The following OTUD6B variants were observed in gnomAD, a reference collection of about 807,000 sequenced individuals.
OTUD6B encodes the protein deubiquitinase OTUD6B.
A neutral mutation model predicts 36.9 loss-of-function variants in OTUD6B; 41 were observed. The observed-to-expected ratio is 1.11, with a 90% CI of 0.87 to 1.44. The LOEUF (loss-of-function observed/expected upper bound fraction) is 1.44, where lower values mean the gene tolerates loss of function less well. Ranked by LOEUF, OTUD6B falls within the 40% of genes most tolerant of loss-of-function variation. The probability of loss-of-function intolerance (pLI) is 0.00; values close to 1 mark genes in which losing one functional copy is unlikely to be tolerated. For missense variants in OTUD6B, 356 were observed against 344.8 expected (o/e 1.03, Z -0.26); for synonymous variants, 114 against 114.2 (o/e 1.00, Z 0.01).
chr8:91,079,547 A>G (rs1812861198), intron 4 of OTUD6B, among the ~76,000 whole-genome samples: 2 of 152,158 alleles, frequency 1.3e-5, no homozygotes, highest in African/African-American at 4.8e-5. Flanking sequence ...TCTGTAGTGA[A>G]TTAATTTCCC....
At chr8:91,078,757 AC>A in intron 4 of OTUD6B, 89 bp downstream of exon 4, 2 of 777,200 alleles carry the variant, frequency 2.6e-6, no homozygotes, top group Non-Finnish European at 3.9e-6. Context: ...CGTAAGAAGA[AC>A]CCAGATGATC....
At chr8:91,082,766 T>C (rs1812931867) in intron 5 of OTUD6B, among the ~76,000 whole-genome samples, 1 of 147,914 alleles carries the variant, frequency 6.8e-6, no homozygotes, top group South Asian at 2.1e-4. Context: ...TTTTTTTTTT[T>C]TTTGAAACAG....
At chr8:91,070,604 C>G (rs1033921877) in intron 1 of OTUD6B, 138 bp downstream of exon 1, 4 of 768,852 alleles carry the variant, frequency 5.2e-6, no homozygotes, top group Admixed American at 5.5e-5. Context: ...GGCCTCTTCT[C>G]TCTTCACCTA....
rs1238757853 is a variant in OTUD6B at position 91,078,357 on chromosome 8, A to G, written c.317A>G (p.Glu106Gly). Reference sequence around the variant, plus strand: ...TTTCATGCATTCTGCTTTTCTTAGGAAAAGAAAGCTGCATTGGAAAAGGAG... The same window carrying G: ...TTTCATGCATTCTGCTTTTCTTAGGGAAAGAAAGCTGCATTGGAAAAGGAG... ...PRISKAQKRR[E>G]KKAALEKERE... Residue 106 changes from glutamate (E) to glycine (G), a missense_variant and splice_region_variant, in exon 4 of 7, where the codon GAA becomes GGA. By Grantham distance (98) the Glu-to-Gly change is moderately conservative (BLOSUM62 -2). Transcript: ENST00000404789. 1.3e-6 allele frequency: 2 copies of G among 1,558,044 alleles called. No homozygotes were observed. Among genetic ancestry groups the G allele is most frequent in the Non-Finnish European group, 1.7e-6 (2 of 1,153,190 alleles).
chr8:91,079,407 A>G (rs765116967), intron 4 of OTUD6B, among the ~76,000 whole-genome samples: 4 of 152,070 alleles, frequency 2.6e-5, no homozygotes, highest in Non-Finnish European at 5.9e-5. Context: ...TCTGTCCTCC[A>G]TGGAGGAAAG....
At position 91,071,282 on chromosome 8, in the gene OTUD6B, A is replaced by G. The variant is rs1812692677; in HGVS notation, c.227A>G (p.Glu76Gly). Residue 76 changes from glutamate (E) to glycine (G), a missense_variant, in exon 2 of 7, where the codon GAG becomes GGG. Physicochemically the swap from Glu to Gly is moderately conservative, Grantham distance 98. Coordinates refer to ENST00000404789, the MANE Select transcript of OTUD6B (RefSeq NM_016023.5). ...ELEQLKLTTK[E>G]NKIDSVAVNI... ...GAGCAATTGAAGCTGACTACTAAGG[A>G]GAATAAGGTATGTGAAATAAATGTT... 1 of 1,609,338 alleles carries G rather than the reference A, an allele frequency of 6.2e-7. No homozygotes were observed. The highest frequency in any genetic ancestry group is 1.7e-5 in the Admixed American group (1 of 58,778).
chr8:91,085,427 C>A lies in OTUD6B; in HGVS notation c.*559C>A, dbSNP rs1352018351. 2 of 151,704 alleles carry A rather than the reference C, an allele frequency of 1.3e-5. No homozygotes were observed. The highest frequency in any genetic ancestry group is 2.9e-5 in the Non-Finnish European group (2 of 67,886). 9.4% of individuals were successfully genotyped at this position (151,704 alleles called of 1,614,324 possible). Reference sequence around the variant, plus strand: ...TTATCAAAGCAAGCTAAGAAGCTTGCTTTAATAATTAATAATTTAAAAATA... The same window carrying A: ...TTATCAAAGCAAGCTAAGAAGCTTGATTTAATAATTAATAATTTAAAAATA... On this transcript the variant is annotated 3_prime_UTR_variant, in exon 7 of 7. Transcript: ENST00000404789.
At chr8:91,074,395 A>C (rs1812763746) in intron 3 of OTUD6B, among the ~76,000 whole-genome samples, 1 of 152,110 alleles carries the variant, frequency 6.6e-6, no homozygotes, top group Non-Finnish European at 1.5e-5. Context: ...AGGTATACAA[A>C]ATTCTTAGAG....
chr8:91,078,746 G>A (rs543291073), intron 4 of OTUD6B, 78 bp downstream of exon 4: 3 of 930,290 alleles, frequency 3.2e-6, no homozygotes, highest in South Asian at 2.1e-5. Context: ...CCAGCACTGA[G>A]CGTAAGAAGA....
At chr8:91,070,647 A>G (rs1812670752) in intron 1 of OTUD6B, among the ~76,000 whole-genome samples, 181 bp downstream of exon 1, 1 of 151,942 alleles carries the variant, frequency 6.6e-6, no homozygotes, top group Non-Finnish European at 1.5e-5. Flanking sequence ...CAACCTTCAG[A>G]GGCTTCCCCT....
intron 2 of OTUD6B, among the ~76,000 whole-genome samples, chr8:91,073,232 A>G (rs1812731848): frequency 6.6e-6 from 1 of 152,192 alleles, no homozygotes; most frequent in African/African-American, 2.4e-5. Flanking sequence ...CTTATAGTTA[A>G]AAGTCTAGCA....
Position 91,084,887 on chromosome 8 carries a change from A to G in OTUD6B, c.*19A>G. ...CAGCTAATTTATACAATGTTGTACA[A>G]TTATGTTTTAATACAGTGTGCTGAA... is the stretch of plus-strand genomic sequence containing the variant. On this transcript the variant is annotated 3_prime_UTR_variant, in exon 7 of 7. Transcript: ENST00000404789. 2 of 1,298,476 alleles carry G rather than the reference A, an allele frequency of 1.5e-6. No homozygotes were observed. The highest frequency in any genetic ancestry group is 2.2e-6 in the Non-Finnish European group (2 of 921,558). The allele number at this position is 1,298,476 out of a possible 1,614,324, so 80.4% of individuals were successfully genotyped here. A position where few individuals can be genotyped will look rare whatever the true frequency, so the allele number is the denominator to read the frequency against.
Position 91,086,137 on chromosome 8 carries a change from T to C in OTUD6B, c.*1269T>C, listed in dbSNP as rs1813010474. 6.6e-6 allele frequency: 1 copy of C among 152,246 alleles called. No homozygotes were observed. The highest frequency in any genetic ancestry group is 2.4e-5 in the African/African-American group (1 of 41,570). 9.4% of individuals were successfully genotyped at this position (152,246 alleles called of 1,614,324 possible). A position where few individuals can be genotyped will look rare whatever the true frequency, so the allele number is the denominator to read the frequency against. On this transcript the variant is annotated 3_prime_UTR_variant, in exon 7 of 7. Coordinates refer to ENST00000404789, the MANE Select transcript of OTUD6B (RefSeq NM_016023.5). Reference sequence around the variant, plus strand: ...AGGAAATATTATGAAAATGAGACTTTTTTAGTTTGATGTGTGTTTCCCAAA... The same window carrying C: ...AGGAAATATTATGAAAATGAGACTTCTTTAGTTTGATGTGTGTTTCCCAAA...
intron 5 of OTUD6B, among the ~76,000 whole-genome samples, chr8:91,083,431 G>T (rs939895582): frequency 3.3e-5 from 5 of 152,082 alleles, no homozygotes; most frequent in East Asian, 3.9e-4. Flanking sequence ...CTGTGGCATT[G>T]ATATTTTTTA....
At chr8:91,070,704 C>G (rs1812673628) in intron 1 of OTUD6B, among the ~76,000 whole-genome samples, 1 of 152,036 alleles carries the variant, frequency 6.6e-6, no homozygotes, top group South Asian at 2.1e-4. Flanking sequence ...CGCCGGGGTG[C>G]AGGTGTCTGA....
chr8:91,080,628 C>G (rs1263335510), intron 4 of OTUD6B, 41 bp from the exon 5 acceptor site: 1 of 1,551,614 alleles, frequency 6.4e-7, no homozygotes, highest in Non-Finnish European at 8.7e-7. Flanking sequence ...ACATGAGTTA[C>G]AAAAATTATT....
At chr8:91,081,557 C>T (rs541466050) in intron 5 of OTUD6B, among the ~76,000 whole-genome samples, 3 of 151,680 alleles carry the variant, frequency 2.0e-5, no homozygotes, top group East Asian at 3.9e-4. Context: ...TACTATATGG[C>T]CATAATAAAC....
intron 3 of OTUD6B, chr8:91,076,639 G>A: frequency 6.6e-7 from 1 of 1,525,640 alleles, no homozygotes; most frequent in Non-Finnish European, 8.8e-7. Context: ...TCCCTGCTCT[G>A]CTCTTACCAG....
Position 91,083,840 on chromosome 8 carries a change from A to G in OTUD6B, c.691-168A>G, listed in dbSNP as rs148503179. The G allele has an allele frequency of 1.6e-3, 501 of 304,136 alleles. 2 individuals are homozygous for G. Among genetic ancestry groups the G allele is most frequent in the African/African-American group, 0.011 (469 of 44,334 alleles). 18.8% of individuals were successfully genotyped at this position (304,136 alleles called of 1,614,324 possible). On this transcript the variant is annotated intron_variant, in intron 5 of 6. Coordinates refer to ENST00000404789, the MANE Select transcript of OTUD6B (RefSeq NM_016023.5). ...GGATAAGGGATATTCAACCTGTATT[A>G]TATTTATTTATTCAACAGATATTTA...
Sources: gnomAD v4.1 joint callset for allele counts (sites outside exome capture counted in the v4.1 genomes callset) on GRCh38, gnomAD v4.1.1 for gene constraint, MANE v1.5 for transcripts, NCBI Gene and HGNC (gene_info 2026-07-23, HGNC 2026-07-21) for gene names.